Variants in HID1 observed in about 807,000 individuals in gnomAD.
The protein encoded by HID1 is HID1 domain containing.
Under a neutral mutation model 89.7 loss-of-function variants are expected in HID1, and 42 were observed. That is an observed-to-expected ratio of 0.47 (90% CI 0.37 to 0.61). HID1 has a LOEUF of 0.61. Ranked by LOEUF, HID1 falls within the 20% of genes least tolerant of loss-of-function variation. The pLI is 0.00. For missense variants in HID1, 854 were observed against 1,039.3 expected, an observed-to-expected ratio of 0.82 and a Z score of 2.45; for synonymous variants, 442 against 433.8, an observed-to-expected ratio of 1.02 and a Z score of -0.24.
intron 6 of HID1, chr17:74,961,559 C>T (rs958272319): frequency 1.1e-4 from 17 of 158,358 alleles, no homozygotes; most frequent in Admixed American, 3.3e-4. Context: ...TGAGCCACCG[C>T]GCCTGGCCCA....
At chr17:74,954,088 C>G (rs769434447) in intron 14 of HID1, 50 bp downstream of exon 14, 1 of 1,506,172 alleles carries the variant, frequency 6.6e-7, no homozygotes, top group South Asian at 1.2e-5. Flanking sequence ...CATGTCCCTC[C>G]CCCAGCCACA....
chr17:74,953,605 G>A lies in HID1; in HGVS notation c.1911C>T (p.Thr637=). ...TEKSQVSEDG[T]LRSLEPEPQQ... Reference sequence around the variant, plus strand: ...GGGGCTCAGGTTCCAGGGACCGCAAGGTGCCATCCTCTGACACCTGGGACT... The same window carrying A: ...GGGGCTCAGGTTCCAGGGACCGCAAAGTGCCATCCTCTGACACCTGGGACT... Residue 637 remains threonine (T), a synonymous_variant, in exon 15 of 19, where the codon ACC becomes ACT. Transcript: ENST00000425042. The A allele has an allele frequency of 1.9e-6, 3 of 1,614,102 alleles. No homozygotes were observed. The highest frequency in any genetic ancestry group is 2.5e-6 in the Non-Finnish European group (3 of 1,179,978).
Position 74,960,246 on chromosome 17 carries a change from T to C in HID1, c.731A>G (p.His244Arg). 1 of 1,607,594 alleles carries C rather than the reference T, an allele frequency of 6.2e-7. No individual in the cohort carries two copies. The highest frequency in any genetic ancestry group is 1.7e-4 in the Middle Eastern group (1 of 6,044). ...VQFFCSTENR[H>R]ALPLFTSLLN... ...GAGGGAGGTGAAGAGGGGCAGGGCA[T>C]GTCTGCAGCAGGAGAGGGACAAGGC... Residue 244 changes from histidine (H) to arginine (R), a missense_variant and splice_region_variant, in exon 7 of 19, where the codon CAT becomes CGT. His to Arg is a conservative substitution (Grantham distance 29). Coordinates refer to ENST00000425042, the MANE Select transcript of HID1 (RefSeq NM_030630.3).
intron 1 of HID1, among the ~76,000 whole-genome samples, chr17:74,970,219 A>C (rs2039625828): frequency 6.6e-6 from 1 of 151,972 alleles, no homozygotes; most frequent in African/African-American, 2.4e-5. Flanking sequence ...ACCCGGCCCA[A>C]AATCAGATAT....
Position 74,955,840 on chromosome 17 carries a change from A to T in HID1, c.1588T>A (p.Phe530Ile). 1 of 1,614,208 alleles carries T rather than the reference A, an allele frequency of 6.2e-7. No individual in the cohort carries two copies. The highest frequency in any genetic ancestry group is 8.5e-7 in the Non-Finnish European group (1 of 1,180,024). The change falls in exon 13 of 19, where the codon TTC (phenylalanine) becomes ATC (isoleucine). Residue 530 changes from phenylalanine to isoleucine, a missense_variant. Transcript: ENST00000425042. Reference protein sequence around the residue: ...FSAAQNHHLVFFLLEVFNNII... With the variant: ...FSAAQNHHLVIFLLEVFNNII... ...TTGTTGAAGACCTCCAGGAGGAAGAAGACCAGGTGGTGGTTCTGGGCGGCA... is the reference window on the plus strand; with the variant it reads ...TTGTTGAAGACCTCCAGGAGGAAGATGACCAGGTGGTGGTTCTGGGCGGCA...
At chr17:74,963,417 G>A in intron 3 of HID1, 1 of 488,912 alleles carries the variant, frequency 2.0e-6, no homozygotes, top group Non-Finnish European at 3.7e-6. Flanking sequence ...CAGGTGGTGT[G>A]GGGGAGAGAG....
intron 1 of HID1, among the ~76,000 whole-genome samples, chr17:74,969,331 G>A (rs1266872377): frequency 2.6e-5 from 4 of 151,996 alleles, no homozygotes; most frequent in East Asian, 1.9e-4. Context: ...GATTACAGGC[G>A]CCTGCCACGA....
intron 3 of HID1, 153 bp downstream of exon 3, chr17:74,963,587 C>T: frequency 1.4e-6 from 1 of 704,596 alleles, no homozygotes; most frequent in Non-Finnish European, 2.3e-6. Flanking sequence ...AAGGAGGTGG[C>T]ATTGAACACC....
chr17:74,952,461 G>C (rs1299979960), intron 16 of HID1, 101 bp from the exon 17 acceptor site: 4 of 781,726 alleles, frequency 5.1e-6, no homozygotes, highest in Non-Finnish European at 8.8e-6. Context: ...AAGGCAGAAA[G>C]TACCCCTGCT....
Position 74,958,390 on chromosome 17 carries a change from G to A in HID1, c.1329C>T (p.Tyr443=). The stretch of plus-strand genomic sequence containing the variant: ...GGATGTCCATGGGCACGCGGATTGA[G>A]TAGGGTTTGTTCAGCCGCACCCCGA... The part of the protein sequence containing the change: ...RNFGVRLNKP[Y]SIRVPMDIPV... The change falls in exon 11 of 19, where the codon TAC becomes TAT. Residue 443 remains tyrosine, a synonymous_variant. Coordinates refer to ENST00000425042, the MANE Select transcript of HID1 (RefSeq NM_030630.3). The surrounding 1 kb of genome is among the most constrained non-coding windows in gnomAD (Gnocchi z 5.2). 1 of 1,612,006 alleles carries A rather than the reference G, an allele frequency of 6.2e-7. No individual in the cohort carries two copies. The highest frequency in any genetic ancestry group is 8.5e-7 in the Non-Finnish European group (1 of 1,179,166).
intron 1 of HID1, among the ~76,000 whole-genome samples, chr17:74,969,126 C>A (rs1002799377): frequency 3.3e-5 from 5 of 151,622 alleles, no homozygotes; most frequent in African/African-American, 1.2e-4. Context: ...AGAAACGTGG[C>A]TCAGCGCCTG....
Position 74,952,370 on chromosome 17 carries a change from G to A in HID1, c.2053-10C>T. ...ACTTCCAGGAGAGGACCTGGCGAGGGACGGGGTTCCTGGGGCTGAGAAAGC... is the reference window on the plus strand; with the variant it reads ...ACTTCCAGGAGAGGACCTGGCGAGGAACGGGGTTCCTGGGGCTGAGAAAGC... On this transcript the variant is annotated splice_polypyrimidine_tract_variant and intron_variant, in intron 16 of 18. Transcript: ENST00000425042. 1.2e-6 allele frequency: 2 copies of A among 1,611,732 alleles called. No individual in the cohort carries two copies.
In HID1 at chr17:74,972,667, C is replaced by T; in HGVS notation, c.-11G>A. 6.5e-7 allele frequency: 1 copy of T among 1,537,986 alleles called. No homozygotes were observed. The stretch of plus-strand genomic sequence containing the variant: ...GTCGGTCGACCCCATGTCTCTGGAG[C>T]CCGCTCCGGCCCGGCCCCCGCCCAG... On this transcript the variant is annotated 5_prime_UTR_variant, in exon 1 of 19. Transcript: ENST00000425042. The surrounding 1 kb of genome is among the most constrained non-coding windows in gnomAD (Gnocchi z 6.4).
chr17:74,954,374 A>C lies in HID1; in HGVS notation c.1637-9T>G. 1 of 1,557,530 alleles carries C rather than the reference A, an allele frequency of 6.4e-7. No homozygotes were observed. The highest frequency in any genetic ancestry group is 1.9e-5 in the Admixed American group (1 of 51,586). ...GACCAGGTTGGAGTTGCCTGTGGGC[A>C]GGGAGCATGCCTCGCCTCAGGGAGG... On this transcript the variant is annotated splice_polypyrimidine_tract_variant and intron_variant, in intron 13 of 18. Coordinates refer to ENST00000425042, the MANE Select transcript of HID1 (RefSeq NM_030630.3).
chr17:74,963,306 C>G (rs1283379062), intron 3 of HID1: 1 of 542,066 alleles, frequency 1.8e-6, no homozygotes, highest in African/African-American at 1.9e-5. Context: ...CCCCTACTGA[C>G]TGGAGGGGGC....
In HID1 at chr17:74,958,123, C is replaced by T; in HGVS notation, c.1471+18G>A. On this transcript the variant is annotated intron_variant, in intron 12 of 18. Coordinates refer to ENST00000425042, the MANE Select transcript of HID1 (RefSeq NM_030630.3). This position sits in a 1 kb window ranked among gnomAD's most constrained non-coding sequence, Gnocchi z 5.2. ...CACCTGGTGGTGAGCGCGGGGAGTG[C>T]AAGCTCCGGGCCCCTACCGTTGACC... is the stretch of plus-strand genomic sequence containing the variant. 1 of 1,588,774 alleles carries T rather than the reference C, an allele frequency of 6.3e-7. No homozygotes were observed. The highest frequency in any genetic ancestry group is 8.6e-7 in the Non-Finnish European group (1 of 1,168,826).
chr17:74,952,933 A>G, intron 16 of HID1, 73 bp downstream of exon 16: 1 of 1,227,306 alleles, frequency 8.1e-7, no homozygotes. Flanking sequence ...AAGGAGCCCC[A>G]ACCCAGCTCC....
chr17:74,960,172 T>G lies in HID1; in HGVS notation c.805A>C (p.Asn269His), dbSNP rs760343096. The change falls in exon 7 of 19, where the codon AAC (asparagine) becomes CAC (histidine). Residue 269 changes from asparagine (N) to histidine (H), a missense_variant. Physicochemically the swap from Asn to His is moderately conservative, Grantham distance 68 (BLOSUM62 1). Coordinates refer to ENST00000425042, the MANE Select transcript of HID1 (RefSeq NM_030630.3). ...YDPVGYGIPY[N>H]HLLFSDYREP... is the part of the protein sequence containing the mutation. Reference sequence around the variant, plus strand: ...CGGTAGTCAGAGAAGAGCAGGTGGTTGTAGGGGATCCCGTAGCCCACAGGG... The same window carrying G: ...CGGTAGTCAGAGAAGAGCAGGTGGTGGTAGGGGATCCCGTAGCCCACAGGG... 9 of 1,613,878 alleles carry G rather than the reference T, an allele frequency of 5.6e-6. No homozygotes were observed. Among genetic ancestry groups the G allele is most frequent in the Non-Finnish European group, 7.6e-6 (9 of 1,180,014 alleles).
chr17:74,957,832 G>A (rs948846370), intron 12 of HID1: 33 of 340,112 alleles, frequency 9.7e-5, no homozygotes, highest in Non-Finnish European at 1.6e-4. Context: ...CCCAAGGGGC[G>A]GAGGTTGCAG....
Sources: gnomAD v4.1 joint callset for allele counts (sites outside exome capture counted in the v4.1 genomes callset) on GRCh38, gnomAD v4.1.1 for gene constraint, Gnocchi (gnomAD v3.1) non-coding constraint, MANE v1.5 for transcripts, NCBI Gene and HGNC (gene_info 2026-07-23, HGNC 2026-07-21) for gene names.